Variants in SLC22A14 observed in about 807,000 individuals in gnomAD.
SLC22A14 encodes the protein organic cation transporter-like 4.
A neutral mutation model predicts 53.9 loss-of-function variants in SLC22A14; 50 were observed. That is an observed-to-expected ratio of 0.93 (90% confidence interval 0.74 to 1.17). The LOEUF (loss-of-function observed/expected upper bound fraction) is 1.17, where lower values mean the gene tolerates loss of function less well. Among genes scored for constraint, SLC22A14 ranks in the 50% most tolerant of loss-of-function variants. The pLI is 0.00. For missense variants in SLC22A14, 671 were observed against 734.7 expected (o/e 0.91, Z 1.00); for synonymous variants, 312 against 303.0 (o/e 1.03, Z -0.31).
chr3:38,313,687 C>CGTGTGCGCGCGT lies in SLC22A14; in HGVS notation c.1164-39_1164-38insTGTGCGCGCGTG, dbSNP rs1553644869. On this transcript the variant is annotated intron_variant, in intron 7 of 10. Transcript: ENST00000448498. ...CTTTATTCCTGGCTCCGTGTGTGTGCGCGCGTGTGCACGCGCACTTGCCTC... is the reference window on the plus strand; with the variant it reads ...CTTTATTCCTGGCTCCGTGTGTGTGCGTGTGCGCGCGTGCGCGTGTGCACGCGCACTTGCCTC... The CGTGTGCGCGCGT allele has an allele frequency of 1.9e-5, 14 of 749,272 alleles. 1 individual carries two copies. The highest frequency in any genetic ancestry group is 1.7e-4 in the South Asian group (9 of 53,012). The allele number at this position is 749,272 out of a possible 1,614,324, so 46.4% of individuals were successfully genotyped here.
chr3:38,280,348 G>A, upstream of SLC22A14, among the ~76,000 whole-genome samples: 1 of 152,096 alleles, frequency 6.6e-6, no homozygotes, highest in East Asian at 1.9e-4. Context: ...TCATCATATT[G>A]GCTTCTAGCA....
chr3:38,307,390 G>A lies in SLC22A14; in HGVS notation c.620+33G>A. ...CCCGGGAGTTTCTGCTGGTCCCCGA[G>A]CCATCCCAACTCCTCCTCATGGGCA... is the stretch of plus-strand genomic sequence containing the variant. On this transcript the variant is annotated intron_variant, in intron 3 of 10. Coordinates refer to ENST00000448498, the MANE Select transcript of SLC22A14 (RefSeq NM_001320033.2). The surrounding 1 kb of genome is among the most constrained non-coding windows in gnomAD (Gnocchi z 4.4). 6.3e-7 allele frequency: 1 copy of A among 1,575,330 alleles called. No homozygotes were observed. The highest frequency in any genetic ancestry group is 8.7e-7 in the Non-Finnish European group (1 of 1,144,754).
At chr3:38,286,882 C>T (rs970217477) in intron 1 of SLC22A14, among the ~76,000 whole-genome samples, 3 of 151,866 alleles carry the variant, frequency 2.0e-5, no homozygotes, top group African/African-American at 7.3e-5. Context: ...CAGGTGTGCA[C>T]CATCATGCCT....
At chr3:38,296,913 G>A (rs538604805) in intron 1 of SLC22A14, among the ~76,000 whole-genome samples, 15 of 152,350 alleles carry the variant, frequency 9.8e-5, no homozygotes, top group Admixed American at 3.9e-4. Context: ...GGAAGTCAGC[G>A]GTGGGTCTGT....
At chr3:38,300,296 C>T (rs371586312) in intron 1 of SLC22A14, among the ~76,000 whole-genome samples, 1 of 152,066 alleles carries the variant, frequency 6.6e-6, no homozygotes, top group Admixed American at 6.6e-5. Flanking sequence ...AAAAATTAGC[C>T]GGATGTGGTG....
chr3:38,298,366 G>A (rs1272415936), intron 1 of SLC22A14, among the ~76,000 whole-genome samples: 2 of 152,148 alleles, frequency 1.3e-5, no homozygotes. Context: ...TTGCTACTAA[G>A]CTGTTATTTT....
chr3:38,287,152 GT>G (rs986482213), intron 1 of SLC22A14, among the ~76,000 whole-genome samples: 4 of 152,084 alleles, frequency 2.6e-5, no homozygotes, highest in African/African-American at 9.6e-5. Flanking sequence ...GTTGTGTCCA[GT>G]TTTTTTCCAC....
chr3:38,289,344 CA>C (rs750360420), intron 1 of SLC22A14, among the ~76,000 whole-genome samples: 41 of 152,060 alleles, frequency 2.7e-4, no homozygotes, highest in Non-Finnish European at 5.3e-4. Flanking sequence ...TGAACTTGGC[CA>C]GTTCTCCCAC....
intron 1 of SLC22A14, among the ~76,000 whole-genome samples, chr3:38,295,972 A>G (rs1704028008): frequency 6.6e-6 from 1 of 152,222 alleles, no homozygotes; most frequent in Non-Finnish European, 1.5e-5. Context: ...TATAGCCTAG[A>G]TGCCTAAGGA....
intron 1 of SLC22A14, among the ~76,000 whole-genome samples, chr3:38,288,822 G>A (rs1184825092): frequency 6.6e-6 from 1 of 151,990 alleles, no homozygotes; most frequent in Non-Finnish European, 1.5e-5. Context: ...TATTAAAAAT[G>A]GTATCTTTTA....
intron 1 of SLC22A14, among the ~76,000 whole-genome samples, chr3:38,293,928 A>G (rs1217337669): frequency 6.6e-6 from 1 of 152,212 alleles, no homozygotes; most frequent in Non-Finnish European, 1.5e-5. Flanking sequence ...CAGTAACATT[A>G]TATCTCTCCA....
chr3:38,282,755 G>C (rs1703700853), intron 1 of SLC22A14, among the ~76,000 whole-genome samples: 1 of 152,140 alleles, frequency 6.6e-6, no homozygotes, highest in South Asian at 2.1e-4. Context: ...CCTGCAGAGG[G>C]AGGCTGGTAC....
Position 38,294,710 on chromosome 3 carries a change from G to A in SLC22A14, c.1-11317G>A, listed in dbSNP as rs551091473. 3.3e-5 allele frequency among the ~76,000 whole-genome samples: 5 copies of A among 152,202 alleles called. No individual in the cohort carries two copies. The East Asian group carries it at 9.7e-4, about 29-fold the overall frequency. On this transcript the variant is annotated intron_variant, in intron 1 of 10. Coordinates refer to ENST00000448498, the MANE Select transcript of SLC22A14 (RefSeq NM_001320033.2). ...TGGATTAGTTATGCTCACCGATGTAGCAGTCCTGCACCTGTTTTCCCACCT... is the reference window on the plus strand; with the variant it reads ...TGGATTAGTTATGCTCACCGATGTAACAGTCCTGCACCTGTTTTCCCACCT...
At chr3:38,313,513 A>G (rs1319975760) in intron 7 of SLC22A14, 28 bp downstream of exon 7, 1 of 1,491,550 alleles carries the variant, frequency 6.7e-7, no homozygotes, top group African/African-American at 1.4e-5. Context: ...GCTGGCAGGG[A>G]CTGCGAACAG....
chr3:38,308,252 A>AG (rs879304207), intron 4 of SLC22A14: 4,357 of 155,858 alleles, frequency 0.028, 180 homozygotes, highest in African/African-American at 0.093. Flanking sequence ...GAGGAGGAGG[A>AG]GAAGAAGAAG....
At chr3:38,303,007 TA>T (rs1704205384) in intron 1 of SLC22A14, among the ~76,000 whole-genome samples, 1 of 152,154 alleles carries the variant, frequency 6.6e-6, no homozygotes, top group African/African-American at 2.4e-5. Flanking sequence ...CCTAAGTTTT[TA>T]AATTCATTGG....
At position 38,306,266 on chromosome 3, in the gene SLC22A14, G is replaced by A. The variant is rs750561863; in HGVS notation, c.240G>A (p.Ser80=). The change falls in exon 2 of 11, where the codon TCG becomes TCA. Residue 80 remains serine (S), a synonymous_variant. Coordinates refer to ENST00000448498, the MANE Select transcript of SLC22A14 (RefSeq NM_001320033.2). ...TCACCTTTATCCCCAGCATCATGTC[G>A]GCCTTCTTCATGTTTGCTGACCACT... ...VALTFIPSIM[S]AFFMFADHFV... is the part of the protein sequence containing the mutation. The A allele has an allele frequency of 1.3e-5, 21 of 1,613,996 alleles. No homozygotes were observed. In the Admixed American group the frequency reaches 1.3e-4, roughly 10 times the overall value.
intron 1 of SLC22A14, among the ~76,000 whole-genome samples, chr3:38,286,999 A>G (rs1310098962): frequency 1.3e-5 from 2 of 152,086 alleles, no homozygotes; most frequent in Admixed American, 1.3e-4. Flanking sequence ...GGCCTCCCAA[A>G]GTACTGGGAT....
At chr3:38,304,592 A>G (rs1458422029) in intron 1 of SLC22A14, among the ~76,000 whole-genome samples, 1 of 152,042 alleles carries the variant, frequency 6.6e-6, no homozygotes, top group East Asian at 1.9e-4. Context: ...GGGTTTCACT[A>G]TGTTGCCTAG....
Sources: allele counts gnomAD v4.1 joint callset (sites outside exome capture counted in the v4.1 genomes callset), GRCh38; gene constraint gnomAD v4.1.1; non-coding constraint Gnocchi (gnomAD v3.1); transcripts MANE v1.5; gene names NCBI Gene and HGNC (gene_info 2026-07-23, HGNC 2026-07-21).